Variants in NCOA3 observed in about 807,000 individuals in gnomAD.
NCOA3 encodes CBP-interacting protein.
NCOA3 carries 51 observed loss-of-function variants against 158.8 expected under a neutral mutation model. That is an observed-to-expected ratio of 0.32 (90% CI 0.26 to 0.41). The LOEUF is 0.41. NCOA3 is among the 10% of genes least tolerant of loss of function. The probability of loss-of-function intolerance (pLI) is 1.00; values close to 1 mark genes in which losing one functional copy is unlikely to be tolerated. For missense variants in NCOA3, 1,510 were observed against 1,746.6 expected (o/e 0.86, Z 2.41); for synonymous variants, 537 against 592.4 (o/e 0.91, Z 1.36).
At chr20:47,553,657 T>C (rs1292347211) in intron 1 of NCOA3, among the ~76,000 whole-genome samples, 2 of 151,604 alleles carry the variant, frequency 1.3e-5, no homozygotes, top group East Asian at 2.0e-4. Context: ...TGTTTGGTTT[T>C]TTGTCCTTGC....
chr20:47,591,154 A>G (rs1343846896), intron 2 of NCOA3, among the ~76,000 whole-genome samples: 2 of 152,188 alleles, frequency 1.3e-5, no homozygotes, highest in African/African-American at 2.4e-5. Context: ...AGAAAAAACC[A>G]TAGTCTGAAA....
intron 1 of NCOA3, among the ~76,000 whole-genome samples, chr20:47,522,129 G>A (rs1188116628): frequency 8.6e-6 from 1 of 116,424 alleles, no homozygotes; most frequent in Non-Finnish European, 1.9e-5. Flanking sequence ...TTTTGAGACG[G>A]AGTCTTGCTG....
At chr20:47,631,551 C>T in intron 8 of NCOA3, 1 of 152,088 alleles carries the variant, frequency 6.6e-6, no homozygotes, top group East Asian at 1.9e-4. Flanking sequence ...TTGGTGTCTC[C>T]ATTGTATTTG....
chr20:47,610,675 T>TG (rs1274393212), intron 2 of NCOA3, among the ~76,000 whole-genome samples: 3 of 152,348 alleles, frequency 2.0e-5, no homozygotes, highest in Non-Finnish European at 4.4e-5. Context: ...GAGTCAGACT[T>TG]GCCGTGTCGT....
rs776959748 is a variant in NCOA3 at position 47,636,545 on chromosome 20, ATGT to A, written c.2163_2165del (p.Val722del). 1.2e-6 allele frequency: 2 copies of A among 1,614,206 alleles called. No individual in the cohort carries two copies. ...AGTATAACTTCTTGTGGGGACGGAA[ATGT>A]TGTCAAGCAGGAGCAGCTAAGTCCT... On this transcript the variant is annotated inframe_deletion, in exon 12 of 23. Transcript: ENST00000371998.
Position 47,561,514 on chromosome 20 carries a change from T to C in NCOA3, c.-98-21669T>C, listed in dbSNP as rs528613993. Among the ~76,000 whole-genome samples, 70 of 152,002 alleles carry C rather than the reference T, an allele frequency of 4.6e-4. 1 individual carries two copies. The highest frequency in any genetic ancestry group is 8.5e-4 in the Admixed American group (13 of 15,240). On this transcript the variant is annotated intron_variant, in intron 1 of 22. Coordinates refer to ENST00000371998, the MANE Select transcript of NCOA3 (RefSeq NM_181659.3). ...TTTTTTATTTCATAGAGACAGGATCTTGCTATGTTGCCTGGGCTTTTCTCC... is the reference window on the plus strand; with the variant it reads ...TTTTTTATTTCATAGAGACAGGATCCTGCTATGTTGCCTGGGCTTTTCTCC...
intron 19 of NCOA3, among the ~76,000 whole-genome samples, chr20:47,650,335 C>G (rs1835675714): frequency 6.7e-6 from 1 of 149,842 alleles, no homozygotes; most frequent in Non-Finnish European, 1.5e-5. Context: ...ACTGCAGCGT[C>G]AATTCCCTGG....
At chr20:47,639,519 G>T (rs1466803621) in intron 14 of NCOA3, 58 bp from the exon 15 acceptor site, 1 of 1,593,782 alleles carries the variant, frequency 6.3e-7, no homozygotes, top group Non-Finnish European at 8.5e-7. Context: ...TACTTACATG[G>T]TATAAGAAGG....
At chr20:47,581,089 G>A (rs1778036563) in intron 1 of NCOA3, among the ~76,000 whole-genome samples, 1 of 152,054 alleles carries the variant, frequency 6.6e-6, no homozygotes, top group Non-Finnish European at 1.5e-5. Flanking sequence ...TGGGCACAGA[G>A]TGAGATCCTG....
At chr20:47,511,539 A>ATG (rs2084133097) in intron 1 of NCOA3, among the ~76,000 whole-genome samples, 1 of 29,248 alleles carries the variant, frequency 3.4e-5, no homozygotes, top group Non-Finnish European at 1.1e-4. Flanking sequence ...ATATATATAT[A>ATG]TATATATATA....
chr20:47,512,511 T>C (rs1004718801), intron 1 of NCOA3, among the ~76,000 whole-genome samples: 1 of 149,652 alleles, frequency 6.7e-6, no homozygotes, highest in Non-Finnish European at 1.5e-5. Context: ...AAGGTTGCAG[T>C]GTGCCGACAT....
intron 17 of NCOA3, among the ~76,000 whole-genome samples, chr20:47,645,819 A>G (rs1016070135): frequency 3.9e-5 from 6 of 152,336 alleles, no homozygotes; most frequent in South Asian, 2.1e-4. Context: ...AAATAGAAAC[A>G]TAGTTTCCAG....
rs947094058 is a variant in NCOA3 at position 47,654,848 on chromosome 20, CTGTGTGTGTGTGTGTA to C, written c.*1447_*1462del. 15 of 146,636 alleles carry C rather than the reference CTGTGTGTGTGTGTGTA, an allele frequency of 1.0e-4. No homozygotes were observed. The highest frequency in any genetic ancestry group is 2.9e-4 in the African/African-American group (11 of 38,418). 9.1% of individuals were successfully genotyped at this position (146,636 alleles called of 1,614,324 possible). A position where few individuals can be genotyped will look rare whatever the true frequency, so the allele number is the denominator to read the frequency against. On this transcript the variant is annotated 3_prime_UTR_variant, in exon 23 of 23. Coordinates refer to ENST00000371998, the MANE Select transcript of NCOA3 (RefSeq NM_181659.3). ...GTCCGAAATAATAGCAATTCATGGG[CTGTGTGTGTGTGTGTA>C]TGTGTGTGTGTGTGTGTGTATGTTT... is the stretch of plus-strand genomic sequence containing the variant.
intron 1 of NCOA3, among the ~76,000 whole-genome samples, chr20:47,520,301 T>C (rs2084308255): frequency 6.6e-6 from 1 of 152,096 alleles, no homozygotes; most frequent in African/African-American, 2.4e-5. Context: ...GTCTCTCTCT[T>C]TCTCTCTTTG....
chr20:47,640,075 G>C (rs1487218603), intron 16 of NCOA3, 24 bp downstream of exon 16: 4 of 1,613,752 alleles, frequency 2.5e-6, no homozygotes, highest in Non-Finnish European at 3.4e-6. Context: ...TTGTGACTCT[G>C]TAGAAAATCT....
chr20:47,615,814 G>T (rs987547527), intron 2 of NCOA3, among the ~76,000 whole-genome samples: 1 of 152,108 alleles, frequency 6.6e-6, no homozygotes, highest in Non-Finnish European at 1.5e-5. Context: ...TAGAAATAGC[G>T]TTAGATTTTG....
rs137898581 is a variant in NCOA3 at position 47,619,783 on chromosome 20, G to C, written c.-19-2446G>C. Among the ~76,000 whole-genome samples, 729 of 151,944 alleles carry C rather than the reference G, an allele frequency of 4.8e-3. 7 individuals are homozygous for C. The highest frequency in any genetic ancestry group is 0.016 in the African/African-American group (682 of 41,486). Reference sequence around the variant, plus strand: ...ATTCTATTTTTGTACTTAAGGAATGGAATCACTATTCTTTTTATTTTTATT... The same window carrying C: ...ATTCTATTTTTGTACTTAAGGAATGCAATCACTATTCTTTTTATTTTTATT... On this transcript the variant is annotated intron_variant, in intron 2 of 22. Coordinates refer to ENST00000371998, the MANE Select transcript of NCOA3 (RefSeq NM_181659.3).
At chr20:47,628,629 C>G (rs1179844386) in intron 8 of NCOA3, 2 of 152,138 alleles carry the variant, frequency 1.3e-5, no homozygotes, top group Admixed American at 1.3e-4. Context: ...CCAGGCTGGT[C>G]TCGAACTCTT....
In NCOA3 at chr20:47,594,126, C is replaced by T. The variant is rs189860774; in HGVS notation, c.-20+10865C>T. Among the ~76,000 whole-genome samples, 621 of 152,174 alleles carry T rather than the reference C, an allele frequency of 4.1e-3. 3 individuals carry two copies. The highest frequency in any genetic ancestry group is 0.024 in the Middle Eastern group (7 of 294). Reference sequence around the variant, plus strand: ...TTTGTTGATTTTGCCTTGGATATAACACCTCTCATATTTAAAGCCAGAAAA... The same window carrying T: ...TTTGTTGATTTTGCCTTGGATATAATACCTCTCATATTTAAAGCCAGAAAA... On this transcript the variant is annotated intron_variant, in intron 2 of 22. Transcript: ENST00000371998.
Sources: gnomAD v4.1 joint callset for allele counts (sites outside exome capture counted in the v4.1 genomes callset) on GRCh38, gnomAD v4.1.1 for gene constraint, MANE v1.5 for transcripts, NCBI Gene and HGNC (gene_info 2026-07-23, HGNC 2026-07-21) for gene names.